Variants in L3MBTL3 observed in about 807,000 individuals in gnomAD.
The protein encoded by L3MBTL3 is lethal(3)malignant brain tumor-like protein 3.
Under a neutral mutation model 102.3 loss-of-function variants are expected in L3MBTL3, and 27 were observed. The observed-to-expected ratio is 0.26, with a 90% CI of 0.19 to 0.36. The LOEUF (loss-of-function observed/expected upper bound fraction) is 0.36, where lower values mean the gene tolerates loss of function less well. Among genes scored for constraint, L3MBTL3 ranks in the 10% least tolerant of loss-of-function variants. The pLI, the probability that L3MBTL3 is intolerant of heterozygous loss-of-function variation, is 1.00. For missense variants in L3MBTL3, 798 were observed against 955.3 expected, an observed-to-expected ratio of 0.84 and a Z score of 2.17; for synonymous variants, 340 against 320.9, an observed-to-expected ratio of 1.06 and a Z score of -0.64.
At chr6:130,059,507 T>C (rs1235040703) in intron 9 of L3MBTL3, among the ~76,000 whole-genome samples, 1 of 152,236 alleles carries the variant, frequency 6.6e-6, no homozygotes, top group Non-Finnish European at 1.5e-5. Flanking sequence ...AATCTTTTGC[T>C]ATATGCTTTA....
intron 10 of L3MBTL3, among the ~76,000 whole-genome samples, chr6:130,061,192 C>A (rs1781879147): frequency 6.7e-6 from 1 of 149,790 alleles, no homozygotes; most frequent in Non-Finnish European, 1.5e-5. Context: ...TCAAGTGATT[C>A]TCCTGCCTCA....
At chr6:130,069,696 G>A (rs1054334130) in intron 12 of L3MBTL3, among the ~76,000 whole-genome samples, 1 of 152,206 alleles carries the variant, frequency 6.6e-6, no homozygotes, top group Non-Finnish European at 1.5e-5. Context: ...CCTAATCCCT[G>A]TCTGGTTCTC....
At chr6:130,026,549 T>C (rs980236616) in intron 2 of L3MBTL3, among the ~76,000 whole-genome samples, 3 of 151,880 alleles carry the variant, frequency 2.0e-5, no homozygotes, top group African/African-American at 4.8e-5. Flanking sequence ...ATAAGAAAAA[T>C]AGATGGGAAG....
intron 19 of L3MBTL3, among the ~76,000 whole-genome samples, chr6:130,108,823 T>C (rs1360379825): frequency 2.0e-5 from 3 of 152,078 alleles, no homozygotes; most frequent in Non-Finnish European, 4.4e-5. Flanking sequence ...CCACATGCCT[T>C]AACTATTTGT....
Position 130,104,554 on chromosome 6 carries a change from G to T in L3MBTL3, c.1865G>T (p.Ser622Ile), listed in dbSNP as rs201549001. 2 of 1,578,064 alleles carry T rather than the reference G, an allele frequency of 1.3e-6. No individual in the cohort carries two copies. Among genetic ancestry groups the T allele is most frequent in the African/African-American group, 2.7e-5 (2 of 73,326 alleles). Residue 622 changes from serine to isoleucine, a missense_variant, in exon 19 of 23, where the codon AGC becomes ATC. By Grantham distance (142) the Ser-to-Ile change is moderately radical. Around this residue, in one of 4 missense-constraint regions of L3MBTL3, gnomAD observed 306 missense variants for 314.4 expected, o/e 0.97. Transcript: ENST00000361794. ...PRNKRTDANESSSSPEIRDQH... is the reference protein window; with the variant it reads ...PRNKRTDANEISSSPEIRDQH... ...AATAAAAGGACAGATGCAAATGAAAGCTCTTCTTCCCCTGAAATCAGGTAA... is the reference window on the plus strand; with the variant it reads ...AATAAAAGGACAGATGCAAATGAAATCTCTTCTTCCCCTGAAATCAGGTAA...
At chr6:130,106,044 C>G (rs540755274) in intron 19 of L3MBTL3, among the ~76,000 whole-genome samples, 1 of 152,146 alleles carries the variant, frequency 6.6e-6, no homozygotes, top group Admixed American at 6.5e-5. Context: ...CATTTGTGAT[C>G]AAGGAAACAA....
At position 130,083,806 on chromosome 6, in the gene L3MBTL3, G is replaced by GA. The variant is rs1468870609; in HGVS notation, c.1407+108dup. 10 of 513,080 alleles carry GA rather than the reference G, an allele frequency of 1.9e-5. No homozygotes were observed. The East Asian group carries it at 2.1e-4, about 11-fold the overall frequency. 31.8% of individuals were successfully genotyped at this position (513,080 alleles called of 1,614,324 possible). On this transcript the variant is annotated intron_variant, in intron 15 of 22. Transcript: ENST00000361794. The stretch of plus-strand genomic sequence containing the variant: ...TATTAGTAAACCAGAATAGGAATGA[G>GA]AAAAAAATAGAGCACCAAATAAGAT...
At chr6:130,074,588 G>A (rs1399338598) in intron 13 of L3MBTL3, among the ~76,000 whole-genome samples, 1 of 152,214 alleles carries the variant, frequency 6.6e-6, no homozygotes, top group African/African-American at 2.4e-5. Flanking sequence ...TCTGCCTGAA[G>A]GTTGGGCTCT....
rs79173285 is a variant in L3MBTL3, at chr6:130,054,596, C to G, written c.583-575C>G. 8.2e-3 allele frequency among the ~76,000 whole-genome samples: 1,253 copies of G among 152,258 alleles called. 11 individuals are homozygous for G. The highest frequency in any genetic ancestry group is 0.029 in the African/African-American group (1,187 of 41,530). ...TTAACAATTGGCTGGATAATCCTGT[C>G]TCTTACTGAGAATGGGAAGATGAGG... On this transcript the variant is annotated intron_variant, in intron 7 of 22. Transcript: ENST00000361794.
At chr6:130,097,355 C>T (rs1336844794) in intron 18 of L3MBTL3, among the ~76,000 whole-genome samples, 1 of 152,154 alleles carries the variant, frequency 6.6e-6, no homozygotes, top group Non-Finnish European at 1.5e-5. Context: ...TGTATCAAAA[C>T]ATGCACTCTT....
At chr6:130,044,149 A>G (rs1780593251) in intron 3 of L3MBTL3, among the ~76,000 whole-genome samples, 1 of 152,338 alleles carries the variant, frequency 6.6e-6, no homozygotes, top group South Asian at 2.1e-4. Flanking sequence ...CATGTCAACT[A>G]CATAATAGCT....
intron 10 of L3MBTL3, among the ~76,000 whole-genome samples, chr6:130,066,031 C>A (rs970417445): frequency 6.6e-6 from 1 of 152,092 alleles, no homozygotes; most frequent in African/African-American, 2.4e-5. Flanking sequence ...CCAGCTTACC[C>A]TGGGGACACA....
chr6:130,048,646 G>T (rs1050301125), intron 3 of L3MBTL3, among the ~76,000 whole-genome samples: 1 of 152,176 alleles, frequency 6.6e-6, no homozygotes, highest in Non-Finnish European at 1.5e-5. Flanking sequence ...GAAATTTCCA[G>T]TTATTTTAGA....
chr6:130,050,368 A>G (rs151290925), intron 5 of L3MBTL3, among the ~76,000 whole-genome samples: 18 of 152,316 alleles, frequency 1.2e-4, no homozygotes, highest in African/African-American at 4.1e-4. Flanking sequence ...AATTTTCCCA[A>G]CACATCATGT....
chr6:130,041,505 G>C (rs934952694), intron 2 of L3MBTL3, among the ~76,000 whole-genome samples: 1 of 152,166 alleles, frequency 6.6e-6, no homozygotes, highest in African/African-American at 2.4e-5. Flanking sequence ...TCCAAATAGT[G>C]AGTTGGTTTT....
chr6:130,114,484 C>T (rs962655787), intron 19 of L3MBTL3, among the ~76,000 whole-genome samples: 1 of 152,200 alleles, frequency 6.6e-6, no homozygotes, highest in Non-Finnish European at 1.5e-5. Context: ...CCAAACCTCA[C>T]CTTATTCGTT....
intron 16 of L3MBTL3, among the ~76,000 whole-genome samples, chr6:130,092,374 T>G (rs1480395744): frequency 1.4e-5 from 2 of 147,402 alleles, no homozygotes; most frequent in Non-Finnish European, 3.0e-5. Flanking sequence ...CCTCCCTCCC[T>G]TCCCTGAATT....
chr6:130,021,874 CTATT>C (rs1024706368), intron 1 of L3MBTL3, among the ~76,000 whole-genome samples: 34 of 152,188 alleles, frequency 2.2e-4, no homozygotes, highest in African/African-American at 7.7e-4. Context: ...TATGTAATAT[CTATT>C]CTTTTTCCAG....
intron 19 of L3MBTL3, among the ~76,000 whole-genome samples, chr6:130,107,576 A>G (rs1416452622): frequency 6.6e-6 from 1 of 152,236 alleles, no homozygotes; most frequent in African/African-American, 2.4e-5. Context: ...GATATATTAA[A>G]AAAACATTTG....
Sources: gnomAD v4.1 joint callset for allele counts (sites outside exome capture counted in the v4.1 genomes callset) on GRCh38, gnomAD v4.1.1 for gene constraint, gnomAD v4.1.1 regional missense constraint, MANE v1.5 for transcripts, NCBI Gene and HGNC (gene_info 2026-07-23, HGNC 2026-07-21) for gene names.